Variants in KIRREL3 observed in about 807,000 individuals in gnomAD.
KIRREL3 encodes kin of IRRE-like protein 3.
KIRREL3 carries 36 observed loss-of-function variants against 89.7 expected under a neutral mutation model. That is an observed-to-expected ratio of 0.40 (90% CI 0.31 to 0.53). The LOEUF (loss-of-function observed/expected upper bound fraction) is 0.53, where lower values mean the gene tolerates loss of function less well. Ranked by LOEUF, KIRREL3 falls within the 20% of genes least tolerant of loss-of-function variation. The probability of loss-of-function intolerance (pLI) is 0.49; values close to 1 mark genes in which losing one functional copy is unlikely to be tolerated. For synonymous variants in KIRREL3, 445 were observed against 441.4 expected (o/e 1.01, Z -0.10); for missense variants, 864 against 1,056.6 (o/e 0.82, Z 2.53).
chr11:126,925,052 A>G (rs1268539914), intron 1 of KIRREL3, among the ~76,000 whole-genome samples: 1 of 137,654 alleles, frequency 7.3e-6, no homozygotes, highest in African/African-American at 2.6e-5. Context: ...TGTCCTAGAG[A>G]GAGATGTACA....
intron 4 of KIRREL3, among the ~76,000 whole-genome samples, chr11:126,506,317 C>A (rs1272793149): frequency 6.6e-6 from 1 of 152,090 alleles, no homozygotes; most frequent in Non-Finnish European, 1.5e-5. Flanking sequence ...AACGAAAAGG[C>A]AAACTACAAA....
chr11:126,686,309 C>T lies in KIRREL3; in HGVS notation c.56-123397G>A, dbSNP rs1287034503. Among the ~76,000 whole-genome samples, 4 of 152,174 alleles carry T rather than the reference C, an allele frequency of 2.6e-5. No individual in the cohort carries two copies. Among genetic ancestry groups the T allele is most frequent in the Non-Finnish European group, 5.9e-5 (4 of 68,024 alleles). On this transcript the variant is annotated intron_variant, in intron 1 of 16. Transcript: ENST00000525144. This position sits in a 1 kb window ranked among gnomAD's most constrained non-coding sequence, Gnocchi z 4.7. ...TGGCCTTTTTATGGAGGTTAGCATT[C>T]TTTTGTTAGTCCACTCACATATTTT...
chr11:126,882,595 C>A (rs552303014), intron 1 of KIRREL3, among the ~76,000 whole-genome samples: 1 of 152,222 alleles, frequency 6.6e-6, no homozygotes, highest in African/African-American at 2.4e-5. Context: ...TCCCTCAATC[C>A]TCTGGTCTGC....
chr11:126,953,129 T>C lies in KIRREL3; in HGVS notation c.55+47326A>G, dbSNP rs1202852495. Reference sequence around the variant, plus strand: ...CTGAATAAAGAAAATGTGGCACATATACACCATGGAATTCTATGCAGCCAT... The same window carrying C: ...CTGAATAAAGAAAATGTGGCACATACACACCATGGAATTCTATGCAGCCAT... On this transcript the variant is annotated intron_variant, in intron 1 of 16. Coordinates refer to ENST00000525144, the MANE Select transcript of KIRREL3 (RefSeq NM_032531.4). The surrounding 1 kb of genome is among the most constrained non-coding windows in gnomAD (Gnocchi z 5.2). Among the ~76,000 whole-genome samples, 8 of 152,184 alleles carry C rather than the reference T, an allele frequency of 5.3e-5. No homozygotes were observed. Among genetic ancestry groups the C allele is most frequent in the Admixed American group, 3.9e-4 (6 of 15,284 alleles).
chr11:126,451,358 G>GTGTGCGT (rs1956138027), intron 7 of KIRREL3, among the ~76,000 whole-genome samples: 5 of 85,760 alleles, frequency 5.8e-5, no homozygotes, highest in Non-Finnish European at 1.1e-4. Flanking sequence ...GTGCGTATGT[G>GTGTGCGT]AGTGTGACTA....
intron 4 of KIRREL3, among the ~76,000 whole-genome samples, chr11:126,488,577 C>T (rs1278834140): frequency 3.3e-5 from 5 of 152,218 alleles, no homozygotes; most frequent in African/African-American, 1.2e-4. Context: ...CAAGGAAGCT[C>T]AGACCAAATG....
intron 1 of KIRREL3, among the ~76,000 whole-genome samples, chr11:126,915,145 T>C (rs912684690): frequency 6.6e-6 from 1 of 152,204 alleles, no homozygotes; most frequent in African/African-American, 2.4e-5. Context: ...AAACAGCAGA[T>C]TTCATTGCTG....
chr11:126,455,944 A>T lies in KIRREL3; in HGVS notation c.848+405T>A, dbSNP rs1956324404. 6.6e-6 allele frequency among the ~76,000 whole-genome samples: 1 copy of T among 150,650 alleles called. No homozygotes were observed. The highest frequency in any genetic ancestry group is 1.5e-5 in the Non-Finnish European group (1 of 67,892). ...ACTGGGCCGGGGCCCAGACATCCTG[A>T]TCTACCCAGGTGAACCAGTTTGATG... On this transcript the variant is annotated intron_variant, in intron 7 of 16. Transcript: ENST00000525144. This position sits in a 1 kb window ranked among gnomAD's most constrained non-coding sequence, Gnocchi z 6.4.
rs1194483700 is a variant in KIRREL3 at position 126,454,139 on chromosome 11, G to A, written c.848+2210C>T. ...TAACATTTTCTCACGCGTGCTTTGC[G>A]GAGACCTCTCCTCTCCTCCCACCTT... is the stretch of plus-strand genomic sequence containing the variant. On this transcript the variant is annotated intron_variant, in intron 7 of 16. Coordinates refer to ENST00000525144, the MANE Select transcript of KIRREL3 (RefSeq NM_032531.4). The surrounding 1 kb of genome is among the most constrained non-coding windows in gnomAD (Gnocchi z 5.8). 2.0e-5 allele frequency among the ~76,000 whole-genome samples: 3 copies of A among 151,460 alleles called. No individual in the cohort carries two copies. The highest frequency in any genetic ancestry group is 2.9e-5 in the Non-Finnish European group (2 of 67,876).
Position 126,814,916 on chromosome 11 carries a change from AC to A in KIRREL3, c.55+185538del, listed in dbSNP as rs1951508570. 1.3e-5 allele frequency among the ~76,000 whole-genome samples: 2 copies of A among 152,190 alleles called. No individual in the cohort carries two copies. The highest frequency in any genetic ancestry group is 2.9e-5 in the Non-Finnish European group (2 of 68,036). On this transcript the variant is annotated intron_variant, in intron 1 of 16. Transcript: ENST00000525144. The surrounding 1 kb of genome is among the most constrained non-coding windows in gnomAD (Gnocchi z 4.4). ...ACAAACCTGCACATCCTGCCCATGT[AC>A]CCCAGAACTTAAAAGTTGAGAGAAA... is the stretch of plus-strand genomic sequence containing the variant.
chr11:126,922,284 T>C (rs1947382313), intron 1 of KIRREL3, among the ~76,000 whole-genome samples: 1 of 152,122 alleles, frequency 6.6e-6, no homozygotes, highest in Non-Finnish European at 1.5e-5. Context: ...CTCCAGTCCC[T>C]GTGTGCCTCT....
At chr11:126,591,505 C>G (rs1199783064) in intron 1 of KIRREL3, among the ~76,000 whole-genome samples, 1 of 152,176 alleles carries the variant, frequency 6.6e-6, no homozygotes, top group African/African-American at 2.4e-5. Context: ...GCTCAGAGGG[C>G]TTCTACATCT....
chr11:126,670,387 T>A (rs1224769592), intron 1 of KIRREL3, among the ~76,000 whole-genome samples: 2 of 152,214 alleles, frequency 1.3e-5, no homozygotes, highest in African/African-American at 2.4e-5. Context: ...GTCCTAAGAT[T>A]GGAACAAGGT....
rs1328508915 is a variant in KIRREL3 at position 126,912,396 on chromosome 11, T to C, written c.55+88059A>G. On this transcript the variant is annotated intron_variant, in intron 1 of 16. Transcript: ENST00000525144. The surrounding 1 kb of genome is among the most constrained non-coding windows in gnomAD (Gnocchi z 4.7). The stretch of plus-strand genomic sequence containing the variant: ...TGTCTCTCACCTTTTGTGGTAATTC[T>C]TCACTTCTCTCCACACTAATTACCC... 6.6e-6 allele frequency among the ~76,000 whole-genome samples: 1 copy of C among 152,150 alleles called. No homozygotes were observed. The highest frequency in any genetic ancestry group is 1.5e-5 in the Non-Finnish European group (1 of 68,032).
rs534309717 is a variant in KIRREL3 at position 126,802,658 on chromosome 11, G to A, written c.55+197797C>T. 6.6e-6 allele frequency among the ~76,000 whole-genome samples: 1 copy of A among 152,292 alleles called. No individual in the cohort carries two copies. Among genetic ancestry groups the A allele is most frequent in the African/African-American group, 2.4e-5 (1 of 41,568 alleles). On this transcript the variant is annotated intron_variant, in intron 1 of 16. Coordinates refer to ENST00000525144, the MANE Select transcript of KIRREL3 (RefSeq NM_032531.4). The surrounding 1 kb of genome is among the most constrained non-coding windows in gnomAD (Gnocchi z 5.2). ...GGCTGGCTCCCGCCTGGCACCCTGA[G>A]CTGCTGGGACAGGCTCTGGGCACTG...
chr11:126,442,873 C>A (rs1002713516), intron 10 of KIRREL3, among the ~76,000 whole-genome samples: 3 of 152,244 alleles, frequency 2.0e-5, no homozygotes, highest in African/African-American at 7.2e-5. Context: ...CAGCTTTTCT[C>A]TGCCTGGAAG....
At chr11:126,698,046 TG>T (rs1947169803) in intron 1 of KIRREL3, among the ~76,000 whole-genome samples, 3 of 152,300 alleles carry the variant, frequency 2.0e-5, no homozygotes, top group Non-Finnish European at 4.4e-5. Context: ...ATGGCACAGC[TG>T]AGGAGGAAAT....
In KIRREL3 at chr11:126,497,201, TGA is replaced by T. The variant is rs1491115445; in HGVS notation, c.434-23737_434-23736del. On this transcript the variant is annotated intron_variant, in intron 4 of 16. Coordinates refer to ENST00000525144, the MANE Select transcript of KIRREL3 (RefSeq NM_032531.4). The stretch of plus-strand genomic sequence containing the variant: ...GAGTGTGTGAGAGTGTGAGTGTGTG[TGA>T]GTGTGAGTGTGTGAGAGTGAGTGTG... 4.6e-3 allele frequency among the ~76,000 whole-genome samples: 178 copies of T among 38,888 alleles called. 1 individual carries two copies. Among genetic ancestry groups the T allele is most frequent in the African/African-American group, 0.014 (152 of 11,028 alleles). The allele number at this position is 38,888 out of a possible 152,430, so 25.5% of individuals were successfully genotyped here.
At chr11:126,861,680 A>T (rs1944709201) in intron 1 of KIRREL3, among the ~76,000 whole-genome samples, 1 of 152,224 alleles carries the variant, frequency 6.6e-6, no homozygotes, top group African/African-American at 2.4e-5. Flanking sequence ...CCCTTTGTAA[A>T]TTACAGAGAG....
Sources: gnomAD v4.1 joint callset for allele counts (sites outside exome capture counted in the v4.1 genomes callset) on GRCh38, gnomAD v4.1.1 for gene constraint, Gnocchi (gnomAD v3.1) non-coding constraint, MANE v1.5 for transcripts, NCBI Gene and HGNC (gene_info 2026-07-23, HGNC 2026-07-21) for gene names.